KCNQ2: variants seen among roughly 807,000 people sequenced by gnomAD.
The protein encoded by KCNQ2 is potassium voltage-gated channel subfamily KQT member 2.
In KCNQ2, 14 loss-of-function variants were observed where a neutral mutation model predicts 84.8. The ratio of observed to expected loss-of-function variants is 0.17; its 90% confidence interval spans 0.11 to 0.26. The LOEUF (loss-of-function observed/expected upper bound fraction) is 0.26. Ranked by LOEUF, KCNQ2 falls within the 10% of genes least tolerant of loss-of-function variation. The probability of loss-of-function intolerance (pLI) is 1.00; values close to 1 mark genes in which losing one functional copy is unlikely to be tolerated. For synonymous variants in KCNQ2, 599 were observed against 554.1 expected, an observed-to-expected ratio of 1.08 and a Z score of -1.14; for missense variants, 788 against 1,254.0, an observed-to-expected ratio of 0.63 and a Z score of 5.61.
chr20:63,426,807 T>C (rs371585071), intron 10 of KCNQ2, among the ~76,000 whole-genome samples: 2 of 152,130 alleles, frequency 1.3e-5, no homozygotes, highest in East Asian at 3.9e-4. Context: ...TCAACATCCG[T>C]GTCCCCACCC....
At chr20:63,442,278 C>T in intron 5 of KCNQ2, 128 bp downstream of exon 5, 1 of 1,217,866 alleles carries the variant, frequency 8.2e-7, no homozygotes. Flanking sequence ...GCCATCATGA[C>T]CACGGGCAGC....
intron 15 of KCNQ2, among the ~76,000 whole-genome samples, chr20:63,411,372 A>C (rs2080116092): frequency 6.6e-6 from 1 of 152,090 alleles, no homozygotes; most frequent in Non-Finnish European, 1.5e-5. Flanking sequence ...GTGCCTGGGG[A>C]GGCTGGAGAG....
At chr20:63,471,391 C>G (rs1027380207) in intron 1 of KCNQ2, among the ~76,000 whole-genome samples, 1 of 152,256 alleles carries the variant, frequency 6.6e-6, no homozygotes, top group African/African-American at 2.4e-5. Context: ...TTCCCTGAGC[C>G]TCGCCCGGGA....
At chr20:63,431,756 C>A (rs939047005) in intron 8 of KCNQ2, among the ~76,000 whole-genome samples, 2 of 152,176 alleles carry the variant, frequency 1.3e-5, no homozygotes, top group Admixed American at 6.5e-5. Flanking sequence ...AGGACTGCCG[C>A]GGGTCTGTCC....
At chr20:63,461,572 C>T (rs886326363) in intron 1 of KCNQ2, among the ~76,000 whole-genome samples, 29 of 152,162 alleles carry the variant, frequency 1.9e-4, no homozygotes, top group African/African-American at 6.8e-4. Context: ...GCCAGCACCC[C>T]GGGGGCCGGC....
rs1403402042 is a variant in KCNQ2 at position 63,408,622 on chromosome 20, C to T, written c.1764-86G>A. 1.2e-5 allele frequency: 18 copies of T among 1,560,638 alleles called. No individual in the cohort carries two copies. Among genetic ancestry groups the T allele is most frequent in the Non-Finnish European group, 1.6e-5 (18 of 1,156,444 alleles). On this transcript the variant is annotated intron_variant, in intron 15 of 16. Transcript: ENST00000359125. This position sits in a 1 kb window ranked among gnomAD's most constrained non-coding sequence, Gnocchi z 5.0. Reference sequence around the variant, plus strand: ...CTCCTCCTGGACCAGGCCACAGTGCCCCTGGGTCTAGGCTGCAGGCTCAGC... The same window carrying T: ...CTCCTCCTGGACCAGGCCACAGTGCTCCTGGGTCTAGGCTGCAGGCTCAGC...
intron 12 of KCNQ2, among the ~76,000 whole-genome samples, chr20:63,416,781 G>C (rs933676875): frequency 6.6e-6 from 1 of 152,132 alleles, no homozygotes; most frequent in Admixed American, 6.5e-5. Flanking sequence ...ACGGCACAGA[G>C]ATAACCAGCC....
At chr20:63,450,682 GC>G (rs1257853292) in intron 1 of KCNQ2, among the ~76,000 whole-genome samples, 2 of 150,362 alleles carry the variant, frequency 1.3e-5, no homozygotes, top group Non-Finnish European at 3.0e-5. Context: ...TGGCAGAGCA[GC>G]GTCTGTGGAG....
At chr20:63,435,843 C>T (rs1306610792) in intron 7 of KCNQ2, among the ~76,000 whole-genome samples, 5 of 152,170 alleles carry the variant, frequency 3.3e-5, no homozygotes, top group Non-Finnish European at 5.9e-5. Context: ...GAGAGCTTCC[C>T]TGCCCCTCCC....
intron 8 of KCNQ2, among the ~76,000 whole-genome samples, chr20:63,433,115 A>T (rs2080880457): frequency 6.6e-6 from 1 of 152,204 alleles, no homozygotes; most frequent in African/African-American, 2.4e-5. Context: ...AGAGCCAGGC[A>T]ACGAAAATCC....
At chr20:63,450,090 C>A (rs1271332282) in intron 1 of KCNQ2, among the ~76,000 whole-genome samples, 4 of 149,138 alleles carry the variant, frequency 2.7e-5, no homozygotes, top group African/African-American at 9.9e-5. Context: ...CCCCGCCTCA[C>A]CCCCTCCCTC....
At chr20:63,455,084 C>T (rs1334428118) in intron 1 of KCNQ2, among the ~76,000 whole-genome samples, 4 of 152,112 alleles carry the variant, frequency 2.6e-5, no homozygotes, top group Admixed American at 6.5e-5. Flanking sequence ...AGACTTCCTA[C>T]GGGAGAATGG....
In KCNQ2 at chr20:63,445,308, T is replaced by C. The variant is rs1365973227; in HGVS notation, c.444A>G (p.Ala148=). Residue 148 remains alanine (A), a synonymous_variant, in exon 3 of 17, where the codon GCA becomes GCG. Coordinates refer to ENST00000359125, the MANE Select transcript of KCNQ2 (RefSeq NM_172107.4). Reference sequence around the variant, plus strand: ...AGCCACGGTACCGGCAGCAGCAGCCTGCGGCCCAGATCCGCACGAAGTACT... The same window carrying C: ...AGCCACGGTACCGGCAGCAGCAGCCCGCGGCCCAGATCCGCACGAAGTACT... The part of the protein sequence containing the change: ...GVEYFVRIWA[A]GCCCRYRGWR... 6 of 1,613,684 alleles carry C rather than the reference T, an allele frequency of 3.7e-6. No individual in the cohort carries two copies. The Admixed American group carries it at 5.0e-5, about 13-fold the overall frequency.
At chr20:63,431,620 G>A (rs1044366835) in intron 8 of KCNQ2, among the ~76,000 whole-genome samples, 1 of 152,090 alleles carries the variant, frequency 6.6e-6, no homozygotes, top group African/African-American at 2.4e-5. Flanking sequence ...TCCAGGAGGT[G>A]CAGGGGGGAT....
rs1400095448 is a variant in KCNQ2, at chr20:63,405,697, C to T, written c.*947G>A. The T allele has an allele frequency of 3.9e-5, 6 of 152,360 alleles. No individual in the cohort carries two copies. Among genetic ancestry groups the T allele is most frequent in the East Asian group, 3.9e-4 (2 of 5,194 alleles). 9.4% of individuals were successfully genotyped at this position (152,360 alleles called of 1,614,324 possible). A position where few individuals can be genotyped will look rare whatever the true frequency, so the allele number is the denominator to read the frequency against. ...TGAGGCCTGCTCACCAGGTGGGTCTCGCAGTGCCGGCACCCGGCCAGGGCA... is the reference window on the plus strand; with the variant it reads ...TGAGGCCTGCTCACCAGGTGGGTCTTGCAGTGCCGGCACCCGGCCAGGGCA... On this transcript the variant is annotated 3_prime_UTR_variant, in exon 17 of 17. Transcript: ENST00000359125.
chr20:63,442,295 G>A (rs573848009), intron 5 of KCNQ2, 111 bp downstream of exon 5: 3 of 1,498,544 alleles, frequency 2.0e-6, no homozygotes, highest in Admixed American at 1.7e-5. Context: ...CAGCCAGCAG[G>A]TGGCCCCAAA....
intron 12 of KCNQ2, among the ~76,000 whole-genome samples, chr20:63,416,191 G>A (rs965545855): frequency 1.4e-4 from 21 of 152,218 alleles, no homozygotes; most frequent in Non-Finnish European, 2.4e-4. Flanking sequence ...AAGCCACAGC[G>A]CTGTGGCCCG....
At chr20:63,442,752 T>TCAC (rs1568934242) in intron 4 of KCNQ2, among the ~76,000 whole-genome samples, 6 of 35,176 alleles carry the variant, frequency 1.7e-4, no homozygotes, top group Admixed American at 6.0e-4. Flanking sequence ...ATCACCACCA[T>TCAC]CACCATCACC....
intron 4 of KCNQ2, among the ~76,000 whole-genome samples, chr20:63,444,267 G>A (rs1235004621): frequency 6.6e-6 from 1 of 152,232 alleles, no homozygotes; most frequent in Non-Finnish European, 1.5e-5. Flanking sequence ...GCCGCCGCAA[G>A]CCGCAGCTTA....
Sources: gnomAD v4.1 joint callset for allele counts (sites outside exome capture counted in the v4.1 genomes callset) on GRCh38, gnomAD v4.1.1 for gene constraint, Gnocchi (gnomAD v3.1) non-coding constraint, MANE v1.5 for transcripts, NCBI Gene and HGNC (gene_info 2026-07-23, HGNC 2026-07-21) for gene names.